Variants in SHROOM4 observed in about 807,000 individuals in gnomAD.
SHROOM4 encodes protein Shroom4.
Under a neutral mutation model 80.3 loss-of-function variants are expected in SHROOM4, and 17 were observed. The observed-to-expected ratio is 0.21, with a 90% confidence interval of 0.14 to 0.32. SHROOM4 has a LOEUF of 0.32. SHROOM4 is among the 10% of genes least tolerant of loss of function. SHROOM4 has a pLI of 1.00. For missense variants in SHROOM4, 993 were observed against 1,140.3 expected (o/e 0.87, Z 1.86); for synonymous variants, 400 against 437.5 (o/e 0.91, Z 1.07).
chrX:50,655,588 C>T (rs781846867), intron 2 of SHROOM4, among the ~76,000 whole-genome samples: 12 of 103,056 alleles, frequency 1.2e-4, no homozygotes, highest in South Asian at 4.1e-4. Flanking sequence ...AACATATTTT[C>T]TTTATTCATC....
intron 1 of SHROOM4, among the ~76,000 whole-genome samples, chrX:50,781,626 G>GA (rs1935628427): frequency 9.0e-6 from 1 of 110,517 alleles, no homozygotes; most frequent in Non-Finnish European, 1.9e-5. Flanking sequence ...TCCGAACAAG[G>GA]AAAGAGATAT....
In SHROOM4 at chrX:50,586,859, A is replaced by G. The variant is rs1928768419; in HGVS notation, c.*9836T>C. 9.0e-6 allele frequency among the ~76,000 whole-genome samples: 1 copy of G among 111,483 alleles called. No individual in the cohort carries two copies. Among genetic ancestry groups the G allele is most frequent in the Non-Finnish European group, 1.9e-5 (1 of 53,222 alleles). ...CAAATGATGTTTTGACATCCATTAC[A>G]TAGTGAAATGATTGCTACAGTCATG... is the stretch of plus-strand genomic sequence containing the variant. On this transcript the variant is annotated 3_prime_UTR_variant, in exon 9 of 9. Coordinates refer to ENST00000376020, the MANE Select transcript of SHROOM4 (RefSeq NM_020717.5).
rs781834052 is a variant in SHROOM4 at position 50,638,323 on chromosome X, G to A, written c.270-15C>T. 1 of 1,209,988 alleles carries A rather than the reference G, an allele frequency of 8.3e-7. No individual in the cohort carries two copies. The highest frequency in any genetic ancestry group is 1.7e-5 in the African/African-American group (1 of 57,417). On this transcript the variant is annotated splice_polypyrimidine_tract_variant and intron_variant, in intron 2 of 8. Coordinates refer to ENST00000376020, the MANE Select transcript of SHROOM4 (RefSeq NM_020717.5). ...GGGCGTTCCTCCTACAGCAAGAAAG[G>A]GACAGGAAGTGGGCTGAAGGAACCA...
At chrX:50,585,858 A>ATT (rs11393325), downstream of SHROOM4, among the ~76,000 whole-genome samples, 27 of 107,140 alleles carry the variant, frequency 2.5e-4, no homozygotes, top group Non-Finnish European at 3.5e-4. Flanking sequence ...TCAAAACTGG[A>ATT]TTTTTTTTTA....
At chrX:50,688,677 T>C (rs1340074731) in intron 2 of SHROOM4, among the ~76,000 whole-genome samples, 2 of 111,392 alleles carry the variant, frequency 1.8e-5, no homozygotes, top group African/African-American at 3.3e-5. Flanking sequence ...AATATTTATT[T>C]GGCTCTATAG....
At chrX:50,626,323 G>T (rs924722251) in intron 5 of SHROOM4, among the ~76,000 whole-genome samples, 6 of 111,943 alleles carry the variant, frequency 5.4e-5, no homozygotes, top group Middle Eastern at 9.1e-3. Flanking sequence ...ACCACGTGCT[G>T]CCCCCTTACC....
chrX:50,598,344 C>G lies in SHROOM4; in HGVS notation c.4134G>C (p.Leu1378=). 2 of 1,211,330 alleles carry G rather than the reference C, an allele frequency of 1.7e-6. No homozygotes were observed. The highest frequency in any genetic ancestry group is 1.8e-5 in the South Asian group (1 of 56,913). ...CCAGTCGTCCAGAGAGTGACAGCAA[C>G]AGGTTGACCACTTTGTCCAGGTCCC... is the stretch of plus-strand genomic sequence containing the variant. ...FVGDLDKVVN[L]LLSLSGRLAR... is the part of the protein sequence containing the mutation. Residue 1378 remains leucine (L), a synonymous_variant, in exon 8 of 9, where the codon CTG becomes CTC. Transcript: ENST00000376020.
chrX:50,696,206 C>T (rs781884728), intron 1 of SHROOM4, among the ~76,000 whole-genome samples: 1 of 111,729 alleles, frequency 9.0e-6, no homozygotes, highest in East Asian at 2.8e-4. Flanking sequence ...CTTCTAAATA[C>T]GAAACTGATG....
At chrX:50,790,256 T>C (rs782528406) in intron 1 of SHROOM4, among the ~76,000 whole-genome samples, 109 of 110,175 alleles carry the variant, frequency 9.9e-4, no homozygotes, top group Non-Finnish European at 1.4e-3. Flanking sequence ...CACAAAGAAA[T>C]AGAAAAAAAT....
chrX:50,813,394 G>A (rs1204709309), intron 1 of SHROOM4, among the ~76,000 whole-genome samples: 1 of 111,885 alleles, frequency 8.9e-6, no homozygotes, highest in African/African-American at 3.2e-5. Flanking sequence ...GCTGGCAAAA[G>A]CCACCAATGG....
Position 50,596,743 on chromosome X carries a change from T to C in SHROOM4, c.4434A>G (p.Gln1478=). 8.3e-7 allele frequency: 1 copy of C among 1,211,672 alleles called. No individual in the cohort carries two copies. The highest frequency in any genetic ancestry group is 1.1e-6 in the Non-Finnish European group (1 of 895,551). Residue 1478 remains glutamine (Q), a synonymous_variant, in exon 9 of 9, where the codon CAA becomes CAG. Coordinates refer to ENST00000376020, the MANE Select transcript of SHROOM4 (RefSeq NM_020717.5). Reference sequence around the variant, plus strand: ...GTAGACTCTCCCTGAGACATTTGAGTTGCTCTTCCCCGAGCTTGATCTTCT... The same window carrying C: ...GTAGACTCTCCCTGAGACATTTGAGCTGCTCTTCCCCGAGCTTGATCTTCT... ...LEEKIKLGEE[Q]LKCLRESLLL...
chrX:50,652,306 T>C (rs782406186), intron 2 of SHROOM4, among the ~76,000 whole-genome samples: 2 of 112,390 alleles, frequency 1.8e-5, no homozygotes, highest in East Asian at 5.6e-4. Flanking sequence ...CTCATTGTGG[T>C]TTTGATTTGC....
chrX:50,781,132 G>GA (rs1935617849), intron 1 of SHROOM4, among the ~76,000 whole-genome samples: 1 of 111,187 alleles, frequency 9.0e-6, no homozygotes, highest in Non-Finnish European at 1.9e-5. Context: ...TTCCTATTTG[G>GA]ATGGGACCCC....
At position 50,591,632 on chromosome X, in the gene SHROOM4, T is replaced by C. The variant is rs782105844; in HGVS notation, c.*5063A>G. 3.3e-6 allele frequency: 1 copy of C among 299,999 alleles called. No individual in the cohort carries two copies. Among genetic ancestry groups the C allele is most frequent in the South Asian group, 3.0e-5 (1 of 33,103 alleles). 24.7% of individuals were successfully genotyped at this position (299,999 alleles called of 1,213,427 possible). A position where few individuals can be genotyped will look rare whatever the true frequency, so the allele number is the denominator to read the frequency against. ...CTTCTTTTGTTAAATTATTCCTAAGTACTTTTTTCTTTTTGATGCTATTGT... is the reference window on the plus strand; with the variant it reads ...CTTCTTTTGTTAAATTATTCCTAAGCACTTTTTTCTTTTTGATGCTATTGT... On this transcript the variant is annotated 3_prime_UTR_variant, in exon 9 of 9. Transcript: ENST00000376020.
chrX:50,705,820 G>A (rs782661658), intron 1 of SHROOM4, among the ~76,000 whole-genome samples: 3 of 110,351 alleles, frequency 2.7e-5, no homozygotes, highest in Non-Finnish European at 5.7e-5. Flanking sequence ...GGTTTCCTAT[G>A]GGCAAACTTC....
chrX:50,732,530 C>G (rs1014691814), intron 1 of SHROOM4, among the ~76,000 whole-genome samples: 2 of 111,974 alleles, frequency 1.8e-5, no homozygotes, highest in Admixed American at 9.5e-5. Context: ...AAACTGACAA[C>G]TCTTTGGCTA....
Position 50,643,741 on chromosome X carries a change from T to G in SHROOM4, c.270-5433A>C, listed in dbSNP as rs1485194617. The G allele has an allele frequency of 9.8e-5, 11 of 111,686 alleles. No individual in the cohort carries two copies. The Admixed American group carries it at 1.0e-3, about 11-fold the overall frequency. 9.2% of individuals were successfully genotyped at this position (111,686 alleles called of 1,213,427 possible). A position where few individuals can be genotyped will look rare whatever the true frequency, so the allele number is the denominator to read the frequency against. Reference sequence around the variant, plus strand: ...CCCTACTCCAACCTCCTCTGAGCCCTGGCCCACCCCCTCGGCAGCTCAGAG... The same window carrying G: ...CCCTACTCCAACCTCCTCTGAGCCCGGGCCCACCCCCTCGGCAGCTCAGAG... On this transcript the variant is annotated intron_variant, in intron 2 of 8. Coordinates refer to ENST00000376020, the MANE Select transcript of SHROOM4 (RefSeq NM_020717.5).
At chrX:50,702,923 TTCTTTAG>T (rs1395969451) in intron 1 of SHROOM4, among the ~76,000 whole-genome samples, 5 of 111,677 alleles carry the variant, frequency 4.5e-5, no homozygotes, top group Admixed American at 9.5e-5. Flanking sequence ...TTATTCTTTA[TTCTTTAG>T]TCTTTAATTC....
intron 2 of SHROOM4, among the ~76,000 whole-genome samples, chrX:50,685,163 G>T (rs1204883222): frequency 8.9e-6 from 1 of 112,038 alleles, no homozygotes; most frequent in African/African-American, 3.2e-5. Context: ...GAAGGAAAAG[G>T]AAATAGATGA....
Sources: gnomAD v4.1 joint callset for allele counts (sites outside exome capture counted in the v4.1 genomes callset) on GRCh38, gnomAD v4.1.1 for gene constraint, MANE v1.5 for transcripts, NCBI Gene and HGNC (gene_info 2026-07-23, HGNC 2026-07-21) for gene names.